Variants in TMEM130 observed in about 807,000 individuals in gnomAD.
The protein encoded by TMEM130 is transmembrane protein 130.
Under a neutral mutation model 42.9 loss-of-function variants are expected in TMEM130, and 37 were observed. The ratio of observed to expected loss-of-function variants is 0.86; its 90% CI spans 0.66 to 1.13. TMEM130 has a LOEUF of 1.13. Ranked by LOEUF, TMEM130 falls within the 50% of genes most tolerant of loss-of-function variation. The pLI is 0.00. For missense variants in TMEM130, 545 were observed against 562.6 expected, an observed-to-expected ratio of 0.97 and a Z score of 0.32; for synonymous variants, 259 against 237.7, an observed-to-expected ratio of 1.09 and a Z score of -0.82.
chr7:98,869,530 G>T lies in TMEM130; in HGVS notation c.85+247C>A, dbSNP rs911033811. 6.6e-6 allele frequency among the ~76,000 whole-genome samples: 1 copy of T among 152,020 alleles called. No individual in the cohort carries two copies. Among genetic ancestry groups the T allele is most frequent in the Non-Finnish European group, 1.5e-5 (1 of 67,958 alleles). Reference sequence around the variant, plus strand: ...GCGGTTTCCAGGGCAGGGCCAGCCTGGGGGGGTGGAAGCAGGAATCCAGGG... The same window carrying T: ...GCGGTTTCCAGGGCAGGGCCAGCCTTGGGGGGTGGAAGCAGGAATCCAGGG... On this transcript the variant is annotated intron_variant, in intron 1 of 7. Transcript: ENST00000339375. This position sits in a 1 kb window ranked among gnomAD's most constrained non-coding sequence, Gnocchi z 4.7.
rs1309476163 is a variant in TMEM130, at chr7:98,868,259, G to A, written c.85+1518C>T. On this transcript the variant is annotated intron_variant, in intron 1 of 7. Transcript: ENST00000339375. Reference sequence around the variant, plus strand: ...AACAAATTCATCTTTCCATGTTTGGGAGTCCATGTGACATGGAGTTGGGGT... The same window carrying A: ...AACAAATTCATCTTTCCATGTTTGGAAGTCCATGTGACATGGAGTTGGGGT... Among the ~76,000 whole-genome samples the A allele has an allele frequency of 2.0e-5, 3 of 152,280 alleles. No homozygotes were observed. In the East Asian group the frequency reaches 5.8e-4, roughly 29 times the overall value.
chr7:98,863,255 G>C lies in TMEM130; in HGVS notation c.231C>G (p.Thr77=), dbSNP rs1361450492. Residue 77 remains threonine, a synonymous_variant, in exon 2 of 8, where the codon ACC becomes ACG. Transcript: ENST00000339375. ...CCATCTTGCCAGTAAGCACCAGCGGGGTGTGGATCCAGTGGAAGCGGTAGA... is the reference window on the plus strand; with the variant it reads ...CCATCTTGCCAGTAAGCACCAGCGGCGTGTGGATCCAGTGGAAGCGGTAGA... ...AHLYRFHWIH[T]PLVLTGKMEK... is the part of the protein sequence containing the mutation. 6.2e-7 allele frequency: 1 copy of C among 1,614,062 alleles called. No homozygotes were observed. Among genetic ancestry groups the C allele is most frequent in the Non-Finnish European group, 8.5e-7 (1 of 1,180,032 alleles).
intron 1 of TMEM130, among the ~76,000 whole-genome samples, chr7:98,865,501 G>A (rs995118240): frequency 2.6e-5 from 4 of 152,052 alleles, no homozygotes; most frequent in Non-Finnish European, 4.4e-5. Context: ...ACAGCTACTC[G>A]GGAGACTGAG....
chr7:98,851,759 G>C, intron 5 of TMEM130, 136 bp from the exon 6 acceptor site: 4 of 733,378 alleles, frequency 5.5e-6, no homozygotes, highest in Non-Finnish European at 8.7e-6. Context: ...CCTGGACTCA[G>C]CTTCATGCAT....
rs782059445 is a variant in TMEM130, at chr7:98,860,342, G to C, written c.392-4C>G. On this transcript the variant is annotated splice_polypyrimidine_tract_variant and splice_region_variant and intron_variant, in intron 2 of 7. Transcript: ENST00000339375. Reference sequence around the variant, plus strand: ...ACAAGGTCCCCCACGAGGAACTCTGGGAGAGAGAGAGACACGGGAGGGTGA... The same window carrying C: ...ACAAGGTCCCCCACGAGGAACTCTGCGAGAGAGAGAGACACGGGAGGGTGA... 7 of 1,581,982 alleles carry C rather than the reference G, an allele frequency of 4.4e-6. No individual in the cohort carries two copies. Among genetic ancestry groups the C allele is most frequent in the Middle Eastern group, 1.7e-4 (1 of 5,896 alleles).
Position 98,869,997 on chromosome 7 carries a change from C to T in TMEM130, c.-136G>A. 1 of 468,052 alleles carries T rather than the reference C, an allele frequency of 2.1e-6. No homozygotes were observed. Among genetic ancestry groups the T allele is most frequent in the Non-Finnish European group, 3.3e-6 (1 of 300,034 alleles). The allele number at this position is 468,052 out of a possible 1,614,324, so 29.0% of individuals were successfully genotyped here. ...GGTGCGGGCGCCGTGCTCGCTCGTC[C>T]TCGCCGGGGGACGCTCTGTCGCTGC... On this transcript the variant is annotated 5_prime_UTR_variant, in exon 1 of 8. Transcript: ENST00000339375. This position sits in a 1 kb window ranked among gnomAD's most constrained non-coding sequence, Gnocchi z 4.7.
rs1240333248 is a variant in TMEM130, at chr7:98,851,528, T to C, written c.899A>G (p.Asn300Ser). 2.5e-6 allele frequency: 4 copies of C among 1,613,822 alleles called. No individual in the cohort carries two copies. The highest frequency in any genetic ancestry group is 3.4e-6 in the Non-Finnish European group (4 of 1,179,968). Residue 300 changes from asparagine (N) to serine (S), a missense_variant, in exon 6 of 8, where the codon AAC (asparagine) becomes AGC (serine). Coordinates refer to ENST00000339375, the MANE Select transcript of TMEM130 (RefSeq NM_152913.3). ...HPVSVASTAY[N>S]LTHTFRDPGD... ...AGGGTCCCTGAAGGTGTGGGTCAGG[T>C]TGTACGCTGTGCTGGCCACGGACAC...
chr7:98,855,306 T>G lies in TMEM130; in HGVS notation c.737A>C (p.Gln246Pro). ...LKLQETLRGI[Q>P]VLGPTLIQTF... ...CTGAATTAGGGTGGGCCCCAACACT[T>G]GGATGCCTCGAAGGGTTTCTGTAAG... is the stretch of plus-strand genomic sequence containing the variant. The change falls in exon 5 of 8, where the codon CAA becomes CCA. Residue 246 changes from glutamine to proline, a missense_variant. Physicochemically the swap from Gln to Pro is moderately conservative, Grantham distance 76. Transcript: ENST00000339375. 6.2e-7 allele frequency: 1 copy of G among 1,613,250 alleles called. No individual in the cohort carries two copies. The highest frequency in any genetic ancestry group is 8.5e-7 in the Non-Finnish European group (1 of 1,179,544).
intron 2 of TMEM130, among the ~76,000 whole-genome samples, chr7:98,861,841 C>T (rs1256655537): frequency 1.3e-5 from 2 of 152,230 alleles, no homozygotes; most frequent in Admixed American, 6.5e-5. Flanking sequence ...TTCACCTCAA[C>T]CACTGTTGCC....
rs782388649 is a variant in TMEM130, at chr7:98,851,626, G to T, written c.804-3C>A. The stretch of plus-strand genomic sequence containing the variant: ...GCCAGCACACAGTCAGAGGAGGGCT[G>T]CAGGGAAATGGGGGCGGTTTTTAAG... On this transcript the variant is annotated splice_polypyrimidine_tract_variant and splice_region_variant and intron_variant, in intron 5 of 7. Coordinates refer to ENST00000339375, the MANE Select transcript of TMEM130 (RefSeq NM_152913.3). 1.2e-6 allele frequency: 2 copies of T among 1,605,976 alleles called. No homozygotes were observed. The highest frequency in any genetic ancestry group is 2.2e-5 in the South Asian group (2 of 90,510).
chr7:98,869,133 T>C lies in TMEM130; in HGVS notation c.85+644A>G. 8.0e-7 allele frequency: 1 copy of C among 1,244,108 alleles called. No individual in the cohort carries two copies. The highest frequency in any genetic ancestry group is 1.3e-5 in the South Asian group (1 of 76,154). The allele number at this position is 1,244,108 out of a possible 1,614,324, so 77.1% of individuals were successfully genotyped here. ...TGTGGCAGAGAGGTGGGTGCTGGCT[T>C]TCTGGCGGTGGGGAAGTGGGGGCAG... On this transcript the variant is annotated intron_variant, in intron 1 of 7. Transcript: ENST00000339375. This position sits in a 1 kb window ranked among gnomAD's most constrained non-coding sequence, Gnocchi z 4.7.
rs1018044725 is a variant in TMEM130, at chr7:98,869,669, C to T, written c.85+108G>A. Reference sequence around the variant, plus strand: ...AGGAGGGAGATGCGCGCAGGGCGCACGGTGCCACCTCCGCAATCCCTGCTC... The same window carrying T: ...AGGAGGGAGATGCGCGCAGGGCGCATGGTGCCACCTCCGCAATCCCTGCTC... On this transcript the variant is annotated intron_variant, in intron 1 of 7. Coordinates refer to ENST00000339375, the MANE Select transcript of TMEM130 (RefSeq NM_152913.3). The surrounding 1 kb of genome is among the most constrained non-coding windows in gnomAD (Gnocchi z 4.7). The T allele has an allele frequency of 1.2e-6, 1 of 813,882 alleles. No individual in the cohort carries two copies. Among genetic ancestry groups the T allele is most frequent in the Non-Finnish European group, 1.7e-6 (1 of 584,896 alleles). 50.4% of individuals were successfully genotyped at this position (813,882 alleles called of 1,614,324 possible).
chr7:98,851,642 G>A lies in TMEM130; in HGVS notation c.804-19C>T, dbSNP rs372570569. The A allele has an allele frequency of 7.4e-5, 117 of 1,590,008 alleles. No individual in the cohort carries two copies. Among genetic ancestry groups the A allele is most frequent in the South Asian group, 5.8e-4 (51 of 88,518 alleles). The stretch of plus-strand genomic sequence containing the variant: ...AGGAGGGCTGCAGGGAAATGGGGGC[G>A]GTTTTTAAGAAAAGGCTCAGCAAAG... On this transcript the variant is annotated intron_variant, in intron 5 of 7. Coordinates refer to ENST00000339375, the MANE Select transcript of TMEM130 (RefSeq NM_152913.3).
intron 2 of TMEM130, among the ~76,000 whole-genome samples, chr7:98,861,442 C>T (rs781898274): frequency 1.1e-4 from 16 of 152,128 alleles, no homozygotes; most frequent in South Asian, 2.1e-4. Context: ...TGGTGGGGCA[C>T]GGTGGCTCAC....
rs1038175006 is a variant in TMEM130 at position 98,847,756 on chromosome 7, G to A, written c.*300C>T. ...GCCAGGCCCACCTGGGAGTCAACAC[G>A]GAACACCCCAAGCATCAAAGTCCTG... is the stretch of plus-strand genomic sequence containing the variant. On this transcript the variant is annotated 3_prime_UTR_variant, in exon 8 of 8. Coordinates refer to ENST00000339375, the MANE Select transcript of TMEM130 (RefSeq NM_152913.3). 13 of 253,160 alleles carry A rather than the reference G, an allele frequency of 5.1e-5. No individual in the cohort carries two copies. Among genetic ancestry groups the A allele is most frequent in the Non-Finnish European group, 7.5e-5 (10 of 133,014 alleles). The allele number at this position is 253,160 out of a possible 1,614,324, so 15.7% of individuals were successfully genotyped here.
At chr7:98,860,131 T>A (rs1794729581) in intron 3 of TMEM130, 48 bp downstream of exon 3, 1 of 1,580,280 alleles carries the variant, frequency 6.3e-7, no homozygotes, top group Non-Finnish European at 8.6e-7. Context: ...CGCGGGACAG[T>A]GGGGCACCAG....
chr7:98,854,085 T>C (rs1364403546), intron 5 of TMEM130, among the ~76,000 whole-genome samples: 6 of 148,578 alleles, frequency 4.0e-5, no homozygotes, highest in Admixed American at 3.4e-4. Context: ...TCGCCCAGGC[T>C]GGAGTGCAAT....
chr7:98,855,924 G>A (rs1794620770), intron 4 of TMEM130, 93 bp downstream of exon 4: 27 of 1,418,892 alleles, frequency 1.9e-5, no homozygotes, highest in Non-Finnish European at 2.5e-5. Context: ...CCAGAAGACA[G>A]GGCGTGAGTC....
chr7:98,851,682 C>T, intron 5 of TMEM130, 59 bp from the exon 6 acceptor site: 1 of 1,478,902 alleles, frequency 6.8e-7, no homozygotes, highest in South Asian at 1.3e-5. Flanking sequence ...TCAGCACAGA[C>T]CAAGTCCAAG....
Sources: allele counts gnomAD v4.1 joint callset (sites outside exome capture counted in the v4.1 genomes callset), GRCh38; gene constraint gnomAD v4.1.1; non-coding constraint Gnocchi (gnomAD v3.1); transcripts MANE v1.5; gene names NCBI Gene and HGNC (gene_info 2026-07-23, HGNC 2026-07-21).